SI: variants seen among roughly 807,000 people sequenced by gnomAD.
SI encodes the protein sucrase-isomaltase, also known as sucrase-isomaltase, intestinal.
A neutral mutation model predicts 253.3 loss-of-function variants in SI; 235 were observed. The observed-to-expected ratio is 0.93, with a 90% CI of 0.83 to 1.03. SI has a LOEUF of 1.03. SI is among the 50% of genes least tolerant of loss of function. SI has a pLI of 0.00. For missense variants in SI, 2,442 were observed against 2,211.1 expected (o/e 1.10, Z -2.09); for synonymous variants, 819 against 712.0 (o/e 1.15, Z -2.39).
intron 3 of SI, among the ~76,000 whole-genome samples, chr3:165,072,295 A>T (rs1352188085): frequency 6.6e-6 from 1 of 152,030 alleles, no homozygotes; most frequent in African/African-American, 2.4e-5. Context: ...TATATTTAAG[A>T]TGATAAATAA....
intron 17 of SI, among the ~76,000 whole-genome samples, chr3:165,042,644 G>A (rs922080218): frequency 1.3e-5 from 2 of 151,906 alleles, no homozygotes; most frequent in Non-Finnish European, 2.9e-5. Context: ...TTAAATTCTT[G>A]TTTTACATGA....
chr3:164,980,485 G>A (rs1307297934), intron 47 of SI, among the ~76,000 whole-genome samples: 1 of 151,832 alleles, frequency 6.6e-6, no homozygotes, highest in Non-Finnish European at 1.5e-5. Flanking sequence ...GGACAAGCAG[G>A]GTGGAGAAAG....
Position 165,074,635 on chromosome 3 carries a change from T to C in SI, c.151A>G (p.Thr51Ala), listed in dbSNP as rs1428341066. Reference sequence around the variant, plus strand: ...TCAGAAGGATTTGTAGTCACACGAGTAGTAGCTGGAGTTGAAGTAGAATCA... The same window carrying C: ...TCAGAAGGATTTGTAGTCACACGAGCAGTAGCTGGAGTTGAAGTAGAATCA... ...ISDSTSTPAT[T>A]RVTTNPSDSG... is the part of the protein sequence containing the mutation. The change falls in exon 3 of 48, where the codon ACT (threonine) becomes GCT (alanine). Residue 51 changes from threonine (T) to alanine (A), a missense_variant. By Grantham distance (58) the Thr-to-Ala change is moderately conservative. Coordinates refer to ENST00000264382, the MANE Select transcript of SI (RefSeq NM_001041.4). 4 of 1,610,408 alleles carry C rather than the reference T, an allele frequency of 2.5e-6. No homozygotes were observed. In the East Asian group the frequency reaches 9.0e-5, roughly 36 times the overall value.
At chr3:165,081,393 A>G (rs2108128350), upstream of SI, among the ~76,000 whole-genome samples, 1 of 152,060 alleles carries the variant, frequency 6.6e-6, no homozygotes, top group East Asian at 1.9e-4. Flanking sequence ...GAACAGATTA[A>G]TGTTCAACTA....
At position 164,998,611 on chromosome 3, in the gene SI, C is replaced by A. The variant is rs376437234; in HGVS notation, c.4469G>T (p.Ser1490Ile). The A allele has an allele frequency of 6.9e-5, 112 of 1,611,772 alleles. No homozygotes were observed. Among genetic ancestry groups the A allele is most frequent in the Non-Finnish European group, 9.2e-5 (108 of 1,178,420 alleles). Residue 1490 changes from serine to isoleucine, a missense_variant, in exon 38 of 48, where the codon AGT (serine) becomes ATT (isoleucine). By Grantham distance (142) the Ser-to-Ile change is moderately radical. Coordinates refer to ENST00000264382, the MANE Select transcript of SI (RefSeq NM_001041.4). ...IVISRSTYPT[S>I]GRWGGHWLGD... ...AAGCCAGTGTCCTCCCCATCGTCCACTAGTAGGATACGTGGAACGAGAAAT... is the reference window on the plus strand; with the variant it reads ...AAGCCAGTGTCCTCCCCATCGTCCAATAGTAGGATACGTGGAACGAGAAAT...
chr3:164,993,557 TAATA>T (rs1324170971), intron 41 of SI, among the ~76,000 whole-genome samples: 1 of 151,684 alleles, frequency 6.6e-6, no homozygotes, highest in Non-Finnish European at 1.5e-5. Flanking sequence ...ATTACTCTGG[TAATA>T]TAGGGTGCTC....
At chr3:165,081,613 G>A (rs1001654438), upstream of SI, among the ~76,000 whole-genome samples, 1 of 151,918 alleles carries the variant, frequency 6.6e-6, no homozygotes, top group African/African-American at 2.4e-5. Context: ...AATTTTCACA[G>A]CGATAATGCA....
the SI span, among the ~76,000 whole-genome samples, chr3:165,084,322 G>A: frequency 1.1e-4 from 17 of 151,974 alleles, no homozygotes; most frequent in African/African-American, 3.9e-4. Flanking sequence ...CCAAGTTTGT[G>A]GTATTTTGTT....
chr3:165,030,637 T>G (rs1478920923), intron 25 of SI, 75 bp downstream of exon 25: 1 of 1,466,572 alleles, frequency 6.8e-7, no homozygotes, highest in Non-Finnish European at 9.5e-7. Context: ...AGATTTAAAA[T>G]TATAATATGT....
At chr3:164,994,189 A>C in intron 41 of SI, 68 bp downstream of exon 41, 2 of 1,395,660 alleles carry the variant, frequency 1.4e-6, no homozygotes, top group Non-Finnish European at 2.0e-6. Flanking sequence ...TTGCACTATA[A>C]GAGATCATTG....
intron 41 of SI, among the ~76,000 whole-genome samples, chr3:164,993,516 A>G (rs763527273): frequency 6.6e-6 from 1 of 151,792 alleles, no homozygotes; most frequent in Non-Finnish European, 1.5e-5. Flanking sequence ...TGGGCTTATC[A>G]ATAGTGAAAT....
intron 43 of SI, 66 bp downstream of exon 43, chr3:164,992,111 A>G: frequency 7.6e-7 from 1 of 1,319,500 alleles, no homozygotes; most frequent in Non-Finnish European, 1.1e-6. Context: ...CGTTAATGAA[A>G]AGGCTAGGGC....
rs116072831 is a variant in SI, at chr3:164,994,763, C to T, written c.4693-358G>A. On this transcript the variant is annotated intron_variant, in intron 40 of 47. Transcript: ENST00000264382. Reference sequence around the variant, plus strand: ...AATGAAATGATAGGCTATCCAAAGTCGATTGAAATAAACATAGACAAGCAG... The same window carrying T: ...AATGAAATGATAGGCTATCCAAAGTTGATTGAAATAAACATAGACAAGCAG... 1.5e-3 allele frequency among the ~76,000 whole-genome samples: 229 copies of T among 151,504 alleles called. 1 individual carries two copies. Among genetic ancestry groups the T allele is most frequent in the African/African-American group, 5.1e-3 (213 of 41,386 alleles).
At chr3:165,085,588 A>G in the SI span, among the ~76,000 whole-genome samples, 1 of 152,152 alleles carries the variant, frequency 6.6e-6, no homozygotes, top group African/African-American at 2.4e-5. Flanking sequence ...TGACCATTCT[A>G]ACCTATCGGT....
At chr3:165,029,041 T>A (rs1476558089) in intron 25 of SI, among the ~76,000 whole-genome samples, 1 of 151,380 alleles carries the variant, frequency 6.6e-6, no homozygotes, top group East Asian at 1.9e-4. Flanking sequence ...AAAGAACGAA[T>A]ATCCAGAATC....
Position 165,062,397 on chromosome 3 carries a change from C to A in SI, c.994G>T (p.Glu332Ter). 1.3e-6 allele frequency: 2 copies of A among 1,586,982 alleles called. No homozygotes were observed. Among genetic ancestry groups the A allele is most frequent in the Non-Finnish European group, 1.7e-6 (2 of 1,156,040 alleles). The change falls in exon 9 of 48, where the codon GAA becomes TAA. Residue 332 changes from glutamate to a stop codon, truncating the protein, a stop_gained. Coordinates refer to ENST00000264382, the MANE Select transcript of SI (RefSeq NM_001041.4). LOFTEE classifies it high-confidence loss of function. Reference protein sequence around the residue: ...DFYILLGDTPEQVVQQYQQLV... With the variant: ...DFYILLGDTP ...TGTTGATACTGTTGAACTACTTGTT[C>A]TGGTGTATCTCCTAGAAGGATGTAA...
At chr3:164,994,505 T>C in intron 40 of SI, 100 bp from the exon 41 acceptor site, 1 of 1,231,534 alleles carries the variant, frequency 8.1e-7, no homozygotes, top group Non-Finnish European at 1.2e-6. Flanking sequence ...GACATGATAT[T>C]AATTGATTGT....
At chr3:165,002,851 T>A (rs910310579) in intron 37 of SI, among the ~76,000 whole-genome samples, 1 of 151,784 alleles carries the variant, frequency 6.6e-6, no homozygotes, top group African/African-American at 2.4e-5. Context: ...CTTAATCCAA[T>A]TAATCTACTC....
chr3:165,071,800 C>T (rs190147110), intron 3 of SI, among the ~76,000 whole-genome samples: 2 of 152,030 alleles, frequency 1.3e-5, no homozygotes, highest in Non-Finnish European at 2.9e-5. Context: ...TGTCTACAAG[C>T]GAGAAAGAGA....
Sources: gnomAD v4.1 joint callset for allele counts (sites outside exome capture counted in the v4.1 genomes callset) on GRCh38, gnomAD v4.1.1 for gene constraint, MANE v1.5 for transcripts, NCBI Gene and HGNC (gene_info 2026-07-23, HGNC 2026-07-21) for gene names.